The following NDUFB6 variants were observed in gnomAD, a reference collection of about 807,000 sequenced individuals.
NDUFB6 encodes NADH:ubiquinone oxidoreductase subunit B6.
Under a neutral mutation model 17.5 loss-of-function variants are expected in NDUFB6, and 23 were observed. That is an observed-to-expected ratio of 1.31 (90% confidence interval 0.94 to 1.86). The LOEUF is 1.86. Ranked by LOEUF, NDUFB6 falls within the 40% of genes most tolerant of loss-of-function variation. The pLI is 0.00. For synonymous variants in NDUFB6, 60 were observed against 53.5 expected (o/e 1.12, Z -0.53); for missense variants, 167 against 153.8 (o/e 1.09, Z -0.46).
chr9:32,559,905 G>T (rs1176132313), intron 2 of NDUFB6, among the ~76,000 whole-genome samples: 1 of 152,028 alleles, frequency 6.6e-6, no homozygotes, highest in Non-Finnish European at 1.5e-5. Flanking sequence ...CACATAAGAG[G>T]TACTACATAA....
intron 3 of NDUFB6, among the ~76,000 whole-genome samples, chr9:32,554,259 AAG>A (rs1195851350): frequency 6.6e-6 from 1 of 152,238 alleles, no homozygotes; most frequent in Non-Finnish European, 1.5e-5. Context: ...AGGCCCCAGA[AAG>A]AAGTTGCAAG....
At chr9:32,571,665 C>G (rs575292445) in intron 1 of NDUFB6, among the ~76,000 whole-genome samples, 1 of 152,298 alleles carries the variant, frequency 6.6e-6, no homozygotes, top group South Asian at 2.1e-4. Context: ...AAGGAAGGGA[C>G]AATCCAGAAT....
chr9:32,569,145 C>T (rs1288923033), intron 2 of NDUFB6, among the ~76,000 whole-genome samples: 2 of 152,122 alleles, frequency 1.3e-5, no homozygotes, highest in Admixed American at 6.5e-5. Flanking sequence ...CAAGACCTTC[C>T]ATTAGCAAAA....
intron 3 of NDUFB6, among the ~76,000 whole-genome samples, chr9:32,554,296 G>A (rs1283372555): frequency 6.6e-6 from 1 of 152,210 alleles, no homozygotes; most frequent in Non-Finnish European, 1.5e-5. Flanking sequence ...TCCAGATAAG[G>A]AGGTAATGTA....
intron 2 of NDUFB6, among the ~76,000 whole-genome samples, chr9:32,563,387 G>A (rs1023973946): frequency 6.6e-6 from 1 of 151,486 alleles, no homozygotes; most frequent in East Asian, 1.9e-4. Flanking sequence ...ACCCAGGATG[G>A]CTGGAGTACA....
At chr9:32,554,080 CA>C (rs1821385377) in intron 3 of NDUFB6, 136 bp from the exon 4 acceptor site, 2 of 532,060 alleles carry the variant, frequency 3.8e-6, no homozygotes, top group East Asian at 6.0e-5. Context: ...GGACCCTAGA[CA>C]AAGTAGAAGC....
chr9:32,564,854 C>T (rs1367729836), intron 2 of NDUFB6, among the ~76,000 whole-genome samples: 2 of 152,200 alleles, frequency 1.3e-5, no homozygotes, highest in Non-Finnish European at 2.9e-5. Context: ...TCCTTTTGCA[C>T]TATGTAAATG....
At chr9:32,557,854 C>T (rs1358993653) in intron 3 of NDUFB6, among the ~76,000 whole-genome samples, 1 of 152,172 alleles carries the variant, frequency 6.6e-6, no homozygotes, top group Non-Finnish European at 1.5e-5. Context: ...TAAAATTCCC[C>T]TGTTGCAACA....
intron 1 of NDUFB6, among the ~76,000 whole-genome samples, chr9:32,571,682 A>T (rs1378531205): frequency 3.3e-5 from 5 of 152,246 alleles, no homozygotes; most frequent in African/African-American, 4.8e-5. Flanking sequence ...GAATCTAAGA[A>T]TTATAACAGA....
intron 2 of NDUFB6, chr9:32,565,320 T>G (rs1440221755): frequency 6.7e-6 from 1 of 150,208 alleles, no homozygotes; most frequent in Non-Finnish European, 1.5e-5. Context: ...AATTCAGCAG[T>G]GAATGTCCTT....
intron 3 of NDUFB6, among the ~76,000 whole-genome samples, chr9:32,558,152 C>T (rs1821523644): frequency 6.9e-6 from 1 of 144,894 alleles, no homozygotes; most frequent in Admixed American, 7.0e-5. Flanking sequence ...CGCTCTGTCA[C>T]CCAGGCTGGA....
chr9:32,571,145 C>A, intron 1 of NDUFB6, 93 bp from the exon 2 acceptor site: 1 of 829,884 alleles, frequency 1.2e-6, no homozygotes, highest in African/African-American at 1.8e-5. Flanking sequence ...AATGCCATGA[C>A]TATTTTACAA....
chr9:32,564,640 G>A lies in NDUFB6; in HGVS notation c.274-5686C>T, dbSNP rs77369140. Reference sequence around the variant, plus strand: ...TCCAGTCCCACCCCCATGTCCCCCAGGATTACTGCTGTTCAGATCAGCGTT... The same window carrying A: ...TCCAGTCCCACCCCCATGTCCCCCAAGATTACTGCTGTTCAGATCAGCGTT... On this transcript the variant is annotated intron_variant, in intron 2 of 3. Coordinates refer to ENST00000379847, the MANE Select transcript of NDUFB6 (RefSeq NM_002493.5). Among the ~76,000 whole-genome samples, 1,159 of 152,138 alleles carry A rather than the reference G, an allele frequency of 7.6e-3. 13 individuals carry two copies. The highest frequency in any genetic ancestry group is 0.027 in the African/African-American group (1,114 of 41,486).
intron 2 of NDUFB6, among the ~76,000 whole-genome samples, chr9:32,562,584 C>CT (rs1821656595): frequency 6.6e-6 from 1 of 152,174 alleles, no homozygotes; most frequent in African/African-American, 2.4e-5. Context: ...TTACATAAAG[C>CT]TGCAAGAATG....
At chr9:32,566,112 G>A in intron 2 of NDUFB6, 2 of 537,552 alleles carry the variant, frequency 3.7e-6, no homozygotes, top group Non-Finnish European at 6.7e-6. Context: ...GCCCACGACA[G>A]GCCTCGAACA....
chr9:32,573,116 T>G lies in NDUFB6; in HGVS notation c.-56A>C. The stretch of plus-strand genomic sequence containing the variant: ...GGCGCACCCTCGAACTACGGACTAG[T>G]TACTTAAGCGCGCTCCCGCTCTGCA... On this transcript the variant is annotated 5_prime_UTR_variant, in exon 1 of 4. Transcript: ENST00000379847. 2 of 1,460,270 alleles carry G rather than the reference T, an allele frequency of 1.4e-6. No individual in the cohort carries two copies. 90.5% of individuals were successfully genotyped at this position (1,460,270 alleles called of 1,614,324 possible).
intron 2 of NDUFB6, among the ~76,000 whole-genome samples, chr9:32,564,293 TC>T (rs1330335219): frequency 1.3e-5 from 2 of 152,192 alleles, no homozygotes; most frequent in Non-Finnish European, 2.9e-5. Context: ...GCAGTGAGAA[TC>T]CTGTGTCCCT....
At chr9:32,568,856 T>C (rs1821880433) in intron 2 of NDUFB6, among the ~76,000 whole-genome samples, 2 of 149,984 alleles carry the variant, frequency 1.3e-5, no homozygotes, top group South Asian at 2.1e-4. Context: ...GTTCAAGCGA[T>C]TCTCCTGCCT....
At chr9:32,569,152 A>G (rs556855383) in intron 2 of NDUFB6, among the ~76,000 whole-genome samples, 5 of 152,296 alleles carry the variant, frequency 3.3e-5, no homozygotes, top group African/African-American at 1.2e-4. Context: ...TTCCATTAGC[A>G]AAAAGATCAT....
Sources: gnomAD v4.1 joint callset for allele counts (sites outside exome capture counted in the v4.1 genomes callset) on GRCh38, gnomAD v4.1.1 for gene constraint, MANE v1.5 for transcripts, NCBI Gene and HGNC (gene_info 2026-07-23, HGNC 2026-07-21) for gene names.